Variants in VRK2 observed in about 807,000 individuals in gnomAD.
VRK2 encodes the protein VRK serine/threonine kinase 2.
Under a neutral mutation model 57.6 loss-of-function variants are expected in VRK2, and 60 were observed. That is an observed-to-expected ratio of 1.04 (90% CI 0.85 to 1.29). The LOEUF (loss-of-function observed/expected upper bound fraction) is 1.29. Among genes scored for constraint, VRK2 ranks in the 50% most tolerant of loss-of-function variants. VRK2 has a pLI of 0.00. For missense variants in VRK2, 705 were observed against 588.1 expected (o/e 1.20, Z -2.06); for synonymous variants, 231 against 199.2 (o/e 1.16, Z -1.35).
At chr2:58,065,115 T>G (rs191166635) in intron 2 of VRK2, among the ~76,000 whole-genome samples, 3 of 152,250 alleles carry the variant, frequency 2.0e-5, no homozygotes, top group Admixed American at 2.0e-4. Context: ...ATATTCTATT[T>G]TGTATTATGA....
chr2:58,046,278 T>C (rs1674741873), upstream of VRK2, among the ~76,000 whole-genome samples: 1 of 152,268 alleles, frequency 6.6e-6, no homozygotes, highest in Non-Finnish European at 1.5e-5. Flanking sequence ...CTGAAGTTTG[T>C]TAATTACGGT....
chr2:58,020,079 A>G (rs899054680), intron 1 of VRK2, among the ~76,000 whole-genome samples: 4 of 152,246 alleles, frequency 2.6e-5, no homozygotes, highest in African/African-American at 9.6e-5. Flanking sequence ...ATAGTAAAAC[A>G]CAGAATGCTA....
chr2:58,055,612 G>C (rs557270439), intron 2 of VRK2, among the ~76,000 whole-genome samples: 1 of 152,318 alleles, frequency 6.6e-6, no homozygotes, highest in Non-Finnish European at 1.5e-5. Context: ...TTCTCCAGCA[G>C]AGCCAGGTGC....
At chr2:58,104,567 A>G (rs187917855) in intron 7 of VRK2, among the ~76,000 whole-genome samples, 24 of 152,090 alleles carry the variant, frequency 1.6e-4, no homozygotes, top group African/African-American at 5.8e-4. Context: ...ATTGTAGATG[A>G]CACAAACAAA....
At chr2:57,916,780 G>A (rs1336525479) in intron 1 of VRK2, among the ~76,000 whole-genome samples, 1 of 152,150 alleles carries the variant, frequency 6.6e-6, no homozygotes, top group Non-Finnish European at 1.5e-5. Flanking sequence ...GAAGTGTGGA[G>A]TGACTGTCTG....
chr2:58,105,921 T>C (rs1368760810), intron 7 of VRK2, among the ~76,000 whole-genome samples: 1 of 151,942 alleles, frequency 6.6e-6, no homozygotes, highest in African/African-American at 2.4e-5. Context: ...TTTTATAATA[T>C]ACCAATGACA....
At chr2:58,017,285 A>G (rs946047154) in intron 1 of VRK2, among the ~76,000 whole-genome samples, 2 of 152,164 alleles carry the variant, frequency 1.3e-5, no homozygotes, top group Non-Finnish European at 2.9e-5. Flanking sequence ...AGTGAATACT[A>G]TTGCACCAGT....
At chr2:58,020,119 C>T (rs904960980) in intron 1 of VRK2, among the ~76,000 whole-genome samples, 2 of 152,184 alleles carry the variant, frequency 1.3e-5, no homozygotes, top group Non-Finnish European at 2.9e-5. Context: ...ATCTGGTCAA[C>T]TAAAGTATGA....
chr2:57,948,707 A>G (rs1671335266), intron 1 of VRK2, among the ~76,000 whole-genome samples: 1 of 152,182 alleles, frequency 6.6e-6, no homozygotes, highest in Admixed American at 6.5e-5. Flanking sequence ...TAAAGCCCAC[A>G]TAAGCTTTCT....
intron 9 of VRK2, among the ~76,000 whole-genome samples, chr2:58,133,241 T>G (rs1679476431): frequency 6.6e-6 from 1 of 151,606 alleles, no homozygotes; most frequent in African/African-American, 2.4e-5. Context: ...TATAATAGGA[T>G]GTCATATAAA....
At chr2:57,919,913 A>G (rs1402059656) in intron 1 of VRK2, among the ~76,000 whole-genome samples, 1 of 152,086 alleles carries the variant, frequency 6.6e-6, no homozygotes, top group Non-Finnish European at 1.5e-5. Context: ...CTGAAGTTAA[A>G]AGTCTAAAAA....
chr2:57,934,578 C>G (rs1670842945), intron 1 of VRK2, among the ~76,000 whole-genome samples: 1 of 152,160 alleles, frequency 6.6e-6, no homozygotes, highest in Admixed American at 6.5e-5. Context: ...ATTTGGGAAT[C>G]TTTGAGCTTC....
At chr2:57,974,218 A>G (rs1441583961) in intron 1 of VRK2, among the ~76,000 whole-genome samples, 2 of 152,006 alleles carry the variant, frequency 1.3e-5, no homozygotes, top group Non-Finnish European at 2.9e-5. Flanking sequence ...ATGGATCGAA[A>G]GAAAAACTGA....
At chr2:57,967,591 G>T (rs912962735) in intron 1 of VRK2, among the ~76,000 whole-genome samples, 2 of 152,032 alleles carry the variant, frequency 1.3e-5, no homozygotes, top group African/African-American at 2.4e-5. Flanking sequence ...AAAATCTTGC[G>T]TGAGGCAGTT....
intron 1 of VRK2, among the ~76,000 whole-genome samples, chr2:58,004,743 T>C (rs1673193066): frequency 6.6e-6 from 1 of 152,184 alleles, no homozygotes; most frequent in African/African-American, 2.4e-5. Flanking sequence ...GTAATTTTTC[T>C]CTACCTAACA....
intron 2 of VRK2, among the ~76,000 whole-genome samples, chr2:58,074,523 T>G (rs1669812530): frequency 6.6e-6 from 1 of 152,242 alleles, no homozygotes; most frequent in South Asian, 2.1e-4. Context: ...AAGTTTACTT[T>G]CAAATAACAC....
chr2:57,918,780 T>TGGA (rs1670237904), intron 1 of VRK2, among the ~76,000 whole-genome samples: 1 of 152,140 alleles, frequency 6.6e-6, no homozygotes, highest in Non-Finnish European at 1.5e-5. Flanking sequence ...AAGGCATCTA[T>TGGA]TGAACTTTAT....
intron 2 of VRK2, among the ~76,000 whole-genome samples, chr2:58,081,746 G>A (rs992832297): frequency 3.3e-5 from 5 of 151,534 alleles, no homozygotes; most frequent in African/African-American, 1.2e-4. Context: ...ATTCTAGATT[G>A]CAGTTTTACA....
intron 1 of VRK2, among the ~76,000 whole-genome samples, chr2:57,973,274 C>G (rs1339661353): frequency 6.6e-6 from 1 of 151,720 alleles, no homozygotes; most frequent in Non-Finnish European, 1.5e-5. Context: ...TAAATTTGAA[C>G]ATATTTTCCT....
Sources: gnomAD v4.1 joint callset for allele counts (sites outside exome capture counted in the v4.1 genomes callset) on GRCh38, gnomAD v4.1.1 for gene constraint, MANE v1.5 for transcripts, NCBI Gene and HGNC (gene_info 2026-07-23, HGNC 2026-07-21) for gene names.